PKD2L2: variants seen among roughly 807,000 people sequenced by gnomAD.
The protein encoded by PKD2L2 is polycystin-2-like protein 2.
A neutral mutation model predicts 83.9 loss-of-function variants in PKD2L2; 67 were observed. The observed-to-expected ratio is 0.80, with a 90% confidence interval of 0.66 to 0.98. PKD2L2 has a LOEUF of 0.98. Among genes scored for constraint, PKD2L2 ranks in the 50% least tolerant of loss-of-function variants. The pLI, the probability that PKD2L2 is intolerant of heterozygous loss-of-function variation, is 0.00. For missense variants in PKD2L2, 632 were observed against 717.2 expected, an observed-to-expected ratio of 0.88 and a Z score of 1.36; for synonymous variants, 223 against 237.8, an observed-to-expected ratio of 0.94 and a Z score of 0.57.
intron 12 of PKD2L2, among the ~76,000 whole-genome samples, chr5:137,926,408 TC>T (rs1759381056): frequency 6.6e-6 from 1 of 151,488 alleles, no homozygotes; most frequent in East Asian, 1.9e-4. Flanking sequence ...GGTCACCACC[TC>T]TCCCCTCTAA....
chr5:137,916,965 C>A (rs372866589), intron 8 of PKD2L2, among the ~76,000 whole-genome samples: 47 of 152,002 alleles, frequency 3.1e-4, no homozygotes, highest in African/African-American at 1.1e-3. Context: ...TCTTTGAGTT[C>A]ATTCTATTGG....
intron 8 of PKD2L2, among the ~76,000 whole-genome samples, chr5:137,920,756 TAA>T (rs11455899): frequency 2.1e-5 from 3 of 143,748 alleles, no homozygotes; most frequent in Non-Finnish European, 1.5e-5. Flanking sequence ...AAACTCCATC[TAA>T]AAAAAAAAAA....
chr5:137,894,046 A>T (rs929920115), intron 3 of PKD2L2, among the ~76,000 whole-genome samples: 4 of 152,158 alleles, frequency 2.6e-5, no homozygotes, highest in Non-Finnish European at 4.4e-5. Context: ...ATGTGTGGCT[A>T]TGACCAGCTC....
intron 7 of PKD2L2, 95 bp downstream of exon 7, chr5:137,908,007 C>A (rs732900): frequency 1.7e-6 from 1 of 590,426 alleles, no homozygotes; most frequent in East Asian, 3.1e-5. Context: ...ATTTTTTCAA[C>A]TATTAAGTAA....
chr5:137,899,550 T>G lies in PKD2L2; in HGVS notation c.559T>G (p.Trp187Gly), dbSNP rs1328576808. ...RYSTSNTNSPWHWGFLGVYRN... is the reference protein window; with the variant it reads ...RYSTSNTNSPGHWGFLGVYRN... ...TTCTACTTCTAATACCAACTCCCCT[T>G]GGCACTGGGGATTTCTTGGTGTTTA... The change falls in exon 5 of 15, where the codon TGG (tryptophan) becomes GGG (glycine). Residue 187 changes from tryptophan to glycine, a missense_variant. This residue lies in a region of PKD2L2 where 229 missense variants were observed against 281.5 expected (regional missense o/e 0.81). Coordinates refer to ENST00000508883, the MANE Select transcript of PKD2L2 (RefSeq NM_001300921.2). The G allele has an allele frequency of 6.2e-7, 1 of 1,610,832 alleles. No homozygotes were observed. The highest frequency in any genetic ancestry group is 1.3e-5 in the African/African-American group (1 of 74,864).
chr5:137,897,149 G>A (rs912948220), intron 4 of PKD2L2, among the ~76,000 whole-genome samples: 51 of 150,324 alleles, frequency 3.4e-4, no homozygotes, highest in South Asian at 2.1e-4. Context: ...CTTGACCTCC[G>A]GGGCTCAAGC....
chr5:137,942,593 C>A lies in PKD2L2; in HGVS notation c.*227C>A, dbSNP rs1029511123. On this transcript the variant is annotated 3_prime_UTR_variant, in exon 15 of 15. Coordinates refer to ENST00000508883, the MANE Select transcript of PKD2L2 (RefSeq NM_001300921.2). ...GCCCAGGCTGGTCTTGAACTCCTGG[C>A]CTCAAGGGATCCTCCTGCCTCAGCT... The A allele has an allele frequency of 1.4e-5, 5 of 351,856 alleles. No homozygotes were observed. Among genetic ancestry groups the A allele is most frequent in the Non-Finnish European group, 2.0e-5 (4 of 195,882 alleles). 21.8% of individuals were successfully genotyped at this position (351,856 alleles called of 1,614,324 possible). A position where few individuals can be genotyped will look rare whatever the true frequency, so the allele number is the denominator to read the frequency against.
chr5:137,895,629 G>A (rs865949004), intron 4 of PKD2L2, among the ~76,000 whole-genome samples: 1 of 152,118 alleles, frequency 6.6e-6, no homozygotes, highest in South Asian at 2.1e-4. Flanking sequence ...TGTAATCCTA[G>A]CACTTTGAGA....
intron 12 of PKD2L2, among the ~76,000 whole-genome samples, chr5:137,934,534 C>A (rs532006688): frequency 1.3e-5 from 2 of 152,158 alleles, no homozygotes; most frequent in South Asian, 2.1e-4. Flanking sequence ...TAAGGCTGGG[C>A]GCGGTGGCTC....
intron 14 of PKD2L2, chr5:137,938,000 T>C (rs1364675629): frequency 1.3e-5 from 2 of 152,094 alleles, no homozygotes; most frequent in Non-Finnish European, 2.9e-5. Context: ...GTCTGTACAA[T>C]GAAGTGCCAG....
In PKD2L2 at chr5:137,899,753, CTT is replaced by C; in HGVS notation, c.746+22_746+23del. ...GTATTATCAGGTGAGTGACTCAAAA[CTT>C]TTTTTCATAGACAGTGGTCAATGGC... On this transcript the variant is annotated intron_variant, in intron 5 of 14. Coordinates refer to ENST00000508883, the MANE Select transcript of PKD2L2 (RefSeq NM_001300921.2). 6.7e-7 allele frequency: 1 copy of C among 1,488,388 alleles called. No individual in the cohort carries two copies. The highest frequency in any genetic ancestry group is 9.3e-7 in the Non-Finnish European group (1 of 1,073,140). The allele number at this position is 1,488,388 out of a possible 1,614,324, so 92.2% of individuals were successfully genotyped here. A position where few individuals can be genotyped will look rare whatever the true frequency, so the allele number is the denominator to read the frequency against.
Position 137,936,444 on chromosome 5 carries a change from C to G in PKD2L2, c.*17+17C>G. ...CAAGTGGAGGTAAGAATCTGTGATG[C>G]AATCATTGAGCATTTCTTTTTTTTT... On this transcript the variant is annotated intron_variant, in intron 14 of 14. Coordinates refer to ENST00000508883, the MANE Select transcript of PKD2L2 (RefSeq NM_001300921.2). 1 of 1,509,304 alleles carries G rather than the reference C, an allele frequency of 6.6e-7. No individual in the cohort carries two copies. Among genetic ancestry groups the G allele is most frequent in the Non-Finnish European group, 8.9e-7 (1 of 1,128,876 alleles). 93.5% of individuals were successfully genotyped at this position (1,509,304 alleles called of 1,614,324 possible).
chr5:137,942,716 G>T lies in PKD2L2; in HGVS notation c.*350G>T. On this transcript the variant is annotated 3_prime_UTR_variant, in exon 15 of 15. Transcript: ENST00000508883. ...TAATGTTTTATTTAAAAATGGGAAT[G>T]ACAATAAATATTTGCAAATCACACT... 1 of 597,806 alleles carries T rather than the reference G, an allele frequency of 1.7e-6. No individual in the cohort carries two copies. The highest frequency in any genetic ancestry group is 3.0e-5 in the South Asian group (1 of 32,896). The allele number at this position is 597,806 out of a possible 1,614,324, so 37.0% of individuals were successfully genotyped here. A position where few individuals can be genotyped will look rare whatever the true frequency, so the allele number is the denominator to read the frequency against.
chr5:137,940,172 T>C (rs764292104), intron 14 of PKD2L2: 29 of 1,613,338 alleles, frequency 1.8e-5, no homozygotes, highest in South Asian at 2.2e-5. Flanking sequence ...CACACGATGA[T>C]AGCTTCAAGG....
At chr5:137,908,496 C>T (rs1363650677) in intron 7 of PKD2L2, among the ~76,000 whole-genome samples, 1 of 151,566 alleles carries the variant, frequency 6.6e-6, no homozygotes, top group Non-Finnish European at 1.5e-5. Context: ...GAGGCTGAGG[C>T]AGGAGAATCA....
chr5:137,894,292 G>C, intron 3 of PKD2L2, 61 bp from the exon 4 acceptor site: 1 of 1,380,446 alleles, frequency 7.2e-7, no homozygotes, highest in Non-Finnish European at 9.9e-7. Context: ...ATAATGTTAT[G>C]AATGTAGATT....
Position 137,889,671 on chromosome 5 carries a change from G to A in PKD2L2, c.31+149G>A, listed in dbSNP as rs1045034973. 7 of 642,872 alleles carry A rather than the reference G, an allele frequency of 1.1e-5. No homozygotes were observed. The South Asian group carries it at 1.3e-4, about 12-fold the overall frequency. The allele number at this position is 642,872 out of a possible 1,614,324, so 39.8% of individuals were successfully genotyped here. A position where few individuals can be genotyped will look rare whatever the true frequency, so the allele number is the denominator to read the frequency against. On this transcript the variant is annotated intron_variant, in intron 1 of 14. Transcript: ENST00000508883. ...CAGCCTCCCCTGGGGAAGCGGAGAGGGACAGATGGTCCCATTGCACAGACG... is the reference window on the plus strand; with the variant it reads ...CAGCCTCCCCTGGGGAAGCGGAGAGAGACAGATGGTCCCATTGCACAGACG...
chr5:137,931,654 T>C (rs184779952), intron 12 of PKD2L2, among the ~76,000 whole-genome samples: 176 of 152,296 alleles, frequency 1.2e-3, no homozygotes, highest in Middle Eastern at 6.8e-3. Context: ...TAAAAATCAA[T>C]GATATTTCCT....
intron 8 of PKD2L2, among the ~76,000 whole-genome samples, chr5:137,918,373 G>C (rs189948728): frequency 6.6e-6 from 1 of 152,152 alleles, no homozygotes; most frequent in Non-Finnish European, 1.5e-5. Flanking sequence ...TGAGAGGTAG[G>C]GGAAGATAAC....
Sources: gnomAD v4.1 joint callset for allele counts (sites outside exome capture counted in the v4.1 genomes callset) on GRCh38, gnomAD v4.1.1 for gene constraint, gnomAD v4.1.1 regional missense constraint, MANE v1.5 for transcripts, NCBI Gene and HGNC (gene_info 2026-07-23, HGNC 2026-07-21) for gene names.